Variants in PLCH1 observed in about 807,000 individuals in gnomAD.
PLCH1 encodes the protein phospholipase C eta 1, also known as 1-phosphatidylinositol 4,5-bisphosphate phosphodiesterase eta-1.
PLCH1 carries 60 observed loss-of-function variants against 126.7 expected under a neutral mutation model. The ratio of observed to expected loss-of-function variants is 0.47; its 90% CI spans 0.38 to 0.59. PLCH1 has a LOEUF of 0.59. Among genes scored for constraint, PLCH1 ranks in the 20% least tolerant of loss-of-function variants. The pLI is 0.00. For synonymous variants in PLCH1, 719 were observed against 734.9 expected (o/e 0.98, Z 0.35); for missense variants, 1,723 against 2,040.0 (o/e 0.84, Z 2.99).
intron 1 of PLCH1, among the ~76,000 whole-genome samples, chr3:155,741,632 T>C (rs572450465): frequency 6.8e-6 from 1 of 146,734 alleles, no homozygotes; most frequent in African/African-American, 2.7e-5. Context: ...AAGTTAAATG[T>C]TTAAATACTC....
intron 2 of PLCH1, among the ~76,000 whole-genome samples, chr3:155,628,266 C>G (rs1215677916): frequency 6.6e-6 from 1 of 150,862 alleles, no homozygotes; most frequent in Non-Finnish European, 1.5e-5. Context: ...CCACCCTTCT[C>G]CCCTGAAGCA....
At chr3:155,672,122 C>T (rs909084891) in intron 2 of PLCH1, among the ~76,000 whole-genome samples, 4 of 151,976 alleles carry the variant, frequency 2.6e-5, no homozygotes, top group South Asian at 2.1e-4. Context: ...TAAGAGAAAA[C>T]GTAAAATATG....
At chr3:155,522,394 T>C (rs1284897296) in intron 11 of PLCH1, among the ~76,000 whole-genome samples, 1 of 152,248 alleles carries the variant, frequency 6.6e-6, no homozygotes, top group Non-Finnish European at 1.5e-5. Flanking sequence ...GCCCTATTAA[T>C]TAATGGTATT....
At chr3:155,665,582 A>T (rs561336137) in intron 2 of PLCH1, among the ~76,000 whole-genome samples, 6 of 152,310 alleles carry the variant, frequency 3.9e-5, no homozygotes, top group African/African-American at 1.4e-4. Context: ...AGAGAACAAG[A>T]GACAGCAATT....
intron 4 of PLCH1, among the ~76,000 whole-genome samples, chr3:155,586,919 A>G (rs1158326883): frequency 6.6e-6 from 1 of 152,208 alleles, no homozygotes. Context: ...ACTAAAAGCT[A>G]CATTACTGGT....
In PLCH1 at chr3:155,490,298, G is replaced by C. The variant is rs550431592; in HGVS notation, c.2392+486C>G. On this transcript the variant is annotated intron_variant, in intron 19 of 22. Transcript: ENST00000460012. ...TCTTTATATTATGGCGAAAATATAA[G>C]AAGAATGCTGCCCCTCCAATCGTAT... 6.4e-4 allele frequency among the ~76,000 whole-genome samples: 97 copies of C among 152,196 alleles called. 1 individual carries two copies. The highest frequency in any genetic ancestry group is 9.6e-4 in the Non-Finnish European group (65 of 67,980).
Position 155,564,970 on chromosome 3 carries a change from C to A in PLCH1, c.1014G>T (p.Gln338His). Residue 338 changes from glutamine (Q) to histidine (H), a missense_variant, in exon 8 of 23, where the codon CAG (glutamine) becomes CAT (histidine). Gln to His is a conservative substitution (Grantham distance 24). Coordinates refer to ENST00000460012, the MANE Select transcript of PLCH1 (RefSeq NM_014996.4). ...CCCGTGCATACATATCCACTTTGGA[C>A]TGAGAAAGGAGCTGGTCTCCAGTCA... ...TYLTGDQLLS[Q>H]SKVDMYARVL... 6.2e-7 allele frequency: 1 copy of A among 1,613,990 alleles called. No individual in the cohort carries two copies.
At chr3:155,610,364 GAAAAAA>G (rs569174791) in intron 2 of PLCH1, among the ~76,000 whole-genome samples, 1 of 39,466 alleles carries the variant, frequency 2.5e-5, no homozygotes, top group Non-Finnish European at 4.4e-5. Context: ...TGCGTCTGGA[GAAAAAA>G]AAAAAAAAAA....
chr3:155,523,840 A>G, intron 11 of PLCH1, 57 bp downstream of exon 11: 2 of 975,278 alleles, frequency 2.1e-6, no homozygotes, highest in Non-Finnish European at 3.2e-6. Flanking sequence ...GCAACTTGGA[A>G]CTCCATTTTA....
rs577141275 is a variant in PLCH1, at chr3:155,457,892, T to C, written c.2938+27464A>G. On this transcript the variant is annotated intron_variant, in intron 21 of 21. Transcript: ENST00000494598. The stretch of plus-strand genomic sequence containing the variant: ...CCGCCAGAGCAGCCTCAGCAATAGA[T>C]CACACCTCACCCATGGCTATTACAT... The C allele has an allele frequency of 2.0e-5, 3 of 152,420 alleles. No individual in the cohort carries two copies. In the South Asian group the frequency reaches 6.2e-4, roughly 32 times the overall value. The allele number at this position is 152,420 out of a possible 1,614,324, so 9.4% of individuals were successfully genotyped here. A position where few individuals can be genotyped will look rare whatever the true frequency, so the allele number is the denominator to read the frequency against.
downstream of PLCH1, among the ~76,000 whole-genome samples, chr3:155,479,386 G>A (rs1713695772): frequency 6.6e-6 from 1 of 152,118 alleles, no homozygotes; most frequent in Admixed American, 6.6e-5. Context: ...CCCAGTGCCT[G>A]TCCAGAAAAT....
chr3:155,566,304 T>C lies in PLCH1; in HGVS notation c.866-1186A>G, dbSNP rs1284372197. Among the ~76,000 whole-genome samples the C allele has an allele frequency of 5.6e-5, 2 of 35,632 alleles. 1 individual carries two copies. The highest frequency in any genetic ancestry group is 1.2e-4 in the Non-Finnish European group (2 of 17,018). The allele number at this position is 35,632 out of a possible 152,430, so 23.4% of individuals were successfully genotyped here. A position where few individuals can be genotyped will look rare whatever the true frequency, so the allele number is the denominator to read the frequency against. On this transcript the variant is annotated intron_variant, in intron 7 of 22. Coordinates refer to ENST00000460012, the MANE Select transcript of PLCH1 (RefSeq NM_014996.4). ...ACATATATATACGTATATATACACATATATATACATATATACATATATATA... is the reference window on the plus strand; with the variant it reads ...ACATATATATACGTATATATACACACATATATACATATATACATATATATA...
intron 12 of PLCH1, among the ~76,000 whole-genome samples, chr3:155,510,297 G>C (rs1447472422): frequency 1.1e-5 from 1 of 94,128 alleles, no homozygotes; most frequent in Non-Finnish European, 2.0e-5. Context: ...GATGGGTCTT[G>C]ACTGTTTATC....
intron 2 of PLCH1, among the ~76,000 whole-genome samples, chr3:155,676,605 C>T (rs577949544): frequency 7.2e-5 from 11 of 152,108 alleles, no homozygotes; most frequent in Non-Finnish European, 1.6e-4. Context: ...ATCACTCCAT[C>T]GGAGGCAAAC....
At chr3:155,728,784 G>A (rs1748533596) in intron 1 of PLCH1, among the ~76,000 whole-genome samples, 1 of 151,964 alleles carries the variant, frequency 6.6e-6, no homozygotes, top group South Asian at 2.1e-4. Flanking sequence ...TTTTAAAAGT[G>A]GGCACACAAT....
At chr3:155,463,829 C>T (rs554862323) in intron 21 of PLCH1, among the ~76,000 whole-genome samples, 1 of 152,136 alleles carries the variant, frequency 6.6e-6, no homozygotes, top group Non-Finnish European at 1.5e-5. Context: ...ACCACACACA[C>T]AAAAAATGGA....
intron 10 of PLCH1, among the ~76,000 whole-genome samples, chr3:155,529,807 C>T (rs1722432823): frequency 6.7e-6 from 1 of 149,022 alleles, no homozygotes; most frequent in Non-Finnish European, 1.5e-5. Context: ...GCTCTTGTTG[C>T]CCAGGCTGGA....
At chr3:155,541,040 C>T (rs540287476) in intron 10 of PLCH1, among the ~76,000 whole-genome samples, 1 of 152,166 alleles carries the variant, frequency 6.6e-6, no homozygotes, top group South Asian at 2.1e-4. Context: ...CATATATACA[C>T]CGTGGAATAC....
chr3:155,602,074 T>C (rs184960993), intron 2 of PLCH1, among the ~76,000 whole-genome samples: 2 of 152,298 alleles, frequency 1.3e-5, no homozygotes, highest in East Asian at 3.9e-4. Flanking sequence ...CACTGGCACT[T>C]CGGGTAAAAA....
Sources: allele counts gnomAD v4.1 joint callset (sites outside exome capture counted in the v4.1 genomes callset), GRCh38; gene constraint gnomAD v4.1.1; transcripts MANE v1.5; gene names NCBI Gene and HGNC (gene_info 2026-07-23, HGNC 2026-07-21).